The following ABCB9 variants were observed in gnomAD, a reference collection of about 807,000 sequenced individuals.
The protein encoded by ABCB9 is ATP binding cassette subfamily B member 9.
A neutral mutation model predicts 62.0 loss-of-function variants in ABCB9; 36 were observed. The observed-to-expected ratio is 0.58, with a 90% CI of 0.45 to 0.77. ABCB9 has a LOEUF of 0.77. ABCB9 is among the 30% of genes least tolerant of loss of function. The pLI is 0.00. For synonymous variants in ABCB9, 435 were observed against 461.4 expected, an observed-to-expected ratio of 0.94 and a Z score of 0.73; for missense variants, 943 against 1,054.7, an observed-to-expected ratio of 0.89 and a Z score of 1.47.
Position 122,929,872 on chromosome 12 carries a change from C to G in ABCB9, c.*39G>C, listed in dbSNP as rs540089660. 2.7e-6 allele frequency: 4 copies of G among 1,497,440 alleles called. No individual in the cohort carries two copies. The highest frequency in any genetic ancestry group is 2.2e-5 in the Admixed American group (1 of 46,350). 92.8% of individuals were successfully genotyped at this position (1,497,440 alleles called of 1,614,324 possible). ...GTGGGCACATCTGCCAGGCAGGCACCGGGTCCTCTGCCCCACCGGGAGAAG... is the reference window on the plus strand; with the variant it reads ...GTGGGCACATCTGCCAGGCAGGCACGGGGTCCTCTGCCCCACCGGGAGAAG... On this transcript the variant is annotated 3_prime_UTR_variant, in exon 12 of 12. Transcript: ENST00000280560. The surrounding 1 kb of genome is among the most constrained non-coding windows in gnomAD (Gnocchi z 6.0).
intron 6 of ABCB9, 47 bp downstream of exon 6, chr12:122,945,978 G>T: frequency 3.1e-6 from 5 of 1,593,192 alleles, no homozygotes; most frequent in Non-Finnish European, 4.3e-6. Flanking sequence ...CCCCATCTTT[G>T]CATCCCATCC....
Position 122,940,131 on chromosome 12 carries a change from G to A in ABCB9, c.1723C>T (p.His575Tyr), listed in dbSNP as rs2035671508. 6.2e-7 allele frequency: 1 copy of A among 1,611,932 alleles called. No individual in the cohort carries two copies. The highest frequency in any genetic ancestry group is 1.3e-5 in the African/African-American group (1 of 74,924). Residue 575 changes from histidine (H) to tyrosine (Y), a missense_variant, in exon 9 of 12, where the codon CAC (histidine) becomes TAC (tyrosine). Coordinates refer to ENST00000280560, the MANE Select transcript of ABCB9 (RefSeq NM_019625.4). This position sits in a 1 kb window ranked among gnomAD's most constrained non-coding sequence, Gnocchi z 4.8. ...CATACCACACGGTGCAAGTACTTGTGGTCGTAGGCGCTGATGGGCTTGCCG... is the reference window on the plus strand; with the variant it reads ...CATACCACACGGTGCAAGTACTTGTAGTCGTAGGCGCTGATGGGCTTGCCG... ...LDGKPISAYD[H>Y]KYLHRVISLV...
At chr12:122,966,081 A>G (rs1276285728) in intron 1 of ABCB9, among the ~76,000 whole-genome samples, 1 of 152,200 alleles carries the variant, frequency 6.6e-6, no homozygotes, top group Non-Finnish European at 1.5e-5. Context: ...CATTCGCCCT[A>G]CGGGCGCGGA....
downstream of ABCB9, among the ~76,000 whole-genome samples, chr12:122,920,183 C>G (rs554717511): frequency 6.6e-5 from 10 of 152,096 alleles, no homozygotes; most frequent in East Asian, 1.7e-3. Flanking sequence ...GCCCAGCCAA[C>G]TCACCTGTTT....
chr12:122,942,772 C>T (rs184213691), intron 7 of ABCB9, among the ~76,000 whole-genome samples: 2 of 152,184 alleles, frequency 1.3e-5, no homozygotes, highest in Admixed American at 6.6e-5. Flanking sequence ...CCACTGCACC[C>T]CAGCCTGGGT....
At chr12:122,967,441 C>G (rs950761530), upstream of ABCB9, among the ~76,000 whole-genome samples, 1 of 152,160 alleles carries the variant, frequency 6.6e-6, no homozygotes. Context: ...AGTGGACTTA[C>G]GGCCCAGAGG....
rs746220718 is a variant in ABCB9, at chr12:122,940,832, G to A, written c.1544C>T (p.Thr515Ile). The change falls in exon 8 of 12, where the codon ACT becomes ATT. Residue 515 changes from threonine (T) to isoleucine (I), a missense_variant. Thr to Ile is a moderately conservative substitution (Grantham distance 89, BLOSUM62 -1). Coordinates refer to ENST00000280560, the MANE Select transcript of ABCB9 (RefSeq NM_019625.4). The surrounding 1 kb of genome is among the most constrained non-coding windows in gnomAD (Gnocchi z 4.8). The part of the protein sequence containing the change: ...DFENVTFTYR[T>I]RPHTQVLQNV... The stretch of plus-strand genomic sequence containing the variant: ...CTGCAGGACCTGGGTGTGGGGCCGA[G>A]TGCGGTAGGTGAAGGTCACATTCTC... 26 of 1,602,250 alleles carry A rather than the reference G, an allele frequency of 1.6e-5. No individual in the cohort carries two copies. Among genetic ancestry groups the A allele is most frequent in the Admixed American group, 3.4e-5 (2 of 59,524 alleles).
chr12:122,959,513 T>C lies in ABCB9; in HGVS notation c.601+122A>G. ...GATATGAGCCACTATGCCTGGCCTC[T>C]TTTCCTTTTCATATCAATTTGATGT... On this transcript the variant is annotated intron_variant, in intron 2 of 11. Coordinates refer to ENST00000280560, the MANE Select transcript of ABCB9 (RefSeq NM_019625.4). This position sits in a 1 kb window ranked among gnomAD's most constrained non-coding sequence, Gnocchi z 5.4. The C allele has an allele frequency of 1.4e-6, 2 of 1,469,608 alleles. No homozygotes were observed. The highest frequency in any genetic ancestry group is 2.9e-5 in the South Asian group (2 of 70,076). The allele number at this position is 1,469,608 out of a possible 1,614,324, so 91.0% of individuals were successfully genotyped here.
chr12:122,928,373 G>A (rs2034967060), downstream of ABCB9, among the ~76,000 whole-genome samples: 2 of 151,828 alleles, frequency 1.3e-5, no homozygotes, highest in Admixed American at 1.3e-4. Flanking sequence ...GGAGGCTGAG[G>A]CAGGAGAATC....
At chr12:122,934,652 A>C (rs1422359696) in intron 10 of ABCB9, among the ~76,000 whole-genome samples, 3 of 151,752 alleles carry the variant, frequency 2.0e-5, no homozygotes, top group South Asian at 2.1e-4. Flanking sequence ...AAAAAAAAAA[A>C]AAAACTAAAA....
At chr12:122,943,231 C>G (rs796232323) in intron 7 of ABCB9, among the ~76,000 whole-genome samples, 17 of 152,280 alleles carry the variant, frequency 1.1e-4, no homozygotes, top group African/African-American at 4.1e-4. Flanking sequence ...ACCTCAGTTG[C>G]CCACACTGGT....
At chr12:122,969,312 G>A (rs886283330), upstream of ABCB9, among the ~76,000 whole-genome samples, 3 of 152,306 alleles carry the variant, frequency 2.0e-5, no homozygotes, top group South Asian at 6.2e-4. Context: ...TAATGGATAC[G>A]GTGTCTTTTT....
intron 2 of ABCB9, among the ~76,000 whole-genome samples, chr12:122,956,777 C>A (rs1024397487): frequency 6.6e-6 from 1 of 152,180 alleles, no homozygotes; most frequent in Non-Finnish European, 1.5e-5. Context: ...GCCTCGGCCT[C>A]CCAAAGTGCT....
Position 122,932,597 on chromosome 12 carries a change from G to A in ABCB9, c.1904-269C>T, listed in dbSNP as rs959580305. ...CACACAGTGCAGGTGAGGCTGCAGG[G>A]AGACAGGCCCTCACCCGTCCTCCTG... On this transcript the variant is annotated intron_variant, in intron 10 of 11. Coordinates refer to ENST00000280560, the MANE Select transcript of ABCB9 (RefSeq NM_019625.4). The surrounding 1 kb of genome is among the most constrained non-coding windows in gnomAD (Gnocchi z 4.7). Among the ~76,000 whole-genome samples the A allele has an allele frequency of 1.3e-5, 2 of 152,238 alleles. No individual in the cohort carries two copies. The highest frequency in any genetic ancestry group is 4.8e-5 in the African/African-American group (2 of 41,466).
chr12:122,946,816 C>G (rs1041794106), intron 5 of ABCB9, among the ~76,000 whole-genome samples: 2 of 152,226 alleles, frequency 1.3e-5, no homozygotes, highest in Non-Finnish European at 2.9e-5. Context: ...CCCAAGTGTG[C>G]GGCCATCAGG....
chr12:122,950,312 T>A (rs2036293159), intron 3 of ABCB9, 139 bp downstream of exon 3: 1 of 777,590 alleles, frequency 1.3e-6, no homozygotes, highest in Non-Finnish European at 2.0e-6. Flanking sequence ...GTTCCCAGGG[T>A]GACCAGCTGA....
downstream of ABCB9, among the ~76,000 whole-genome samples, chr12:122,927,328 C>T (rs190437600): frequency 4.9e-4 from 74 of 152,232 alleles, no homozygotes; most frequent in African/African-American, 1.5e-3. Flanking sequence ...TGTGCCAACA[C>T]GCCCGGCTAA....
intron 11 of ABCB9, among the ~76,000 whole-genome samples, chr12:122,921,487 CA>C (rs1421748490): frequency 6.6e-6 from 1 of 151,858 alleles, no homozygotes; most frequent in African/African-American, 2.4e-5. Flanking sequence ...ATTTAAAAAG[CA>C]AACATTGGCC....
intron 2 of ABCB9, chr12:122,950,792 CT>C (rs1158785077): frequency 4.0e-6 from 2 of 497,496 alleles, no homozygotes; most frequent in Non-Finnish European, 7.3e-6. Context: ...CCTGCTGGTT[CT>C]TCTTTATTTA....
Sources: gnomAD v4.1 joint callset for allele counts (sites outside exome capture counted in the v4.1 genomes callset) on GRCh38, gnomAD v4.1.1 for gene constraint, Gnocchi (gnomAD v3.1) non-coding constraint, MANE v1.5 for transcripts, NCBI Gene and HGNC (gene_info 2026-07-23, HGNC 2026-07-21) for gene names.